The following SLC20A2 variants were observed in gnomAD, a reference collection of about 807,000 sequenced individuals.
SLC20A2 encodes solute carrier family 20 member 2, also known as sodium-dependent phosphate transporter 2.
SLC20A2 carries 30 observed loss-of-function variants against 61.0 expected under a neutral mutation model. The ratio of observed to expected loss-of-function variants is 0.49; its 90% CI spans 0.37 to 0.67. The LOEUF (loss-of-function observed/expected upper bound fraction) is 0.67, where lower values mean the gene tolerates loss of function less well. Ranked by LOEUF, SLC20A2 falls within the 30% of genes least tolerant of loss-of-function variation. The pLI, the probability that SLC20A2 is intolerant of heterozygous loss-of-function variation, is 0.00. For synonymous variants in SLC20A2, 351 were observed against 353.3 expected (o/e 0.99, Z 0.07); for missense variants, 626 against 866.4 (o/e 0.72, Z 3.48).
intron 1 of SLC20A2, among the ~76,000 whole-genome samples, chr8:42,525,537 G>A (rs561758497): frequency 5.3e-5 from 7 of 132,306 alleles, no homozygotes; most frequent in Admixed American, 4.5e-4. Flanking sequence ...AGCTGAGATC[G>A]CACCACTGCA....
At chr8:42,493,885 C>T (rs985842183) in intron 1 of SLC20A2, among the ~76,000 whole-genome samples, 1 of 152,186 alleles carries the variant, frequency 6.6e-6, no homozygotes, top group Non-Finnish European at 1.5e-5. Flanking sequence ...TGGCTTATCT[C>T]TGTAATCCCA....
chr8:42,445,847 G>A (rs1805173411), intron 5 of SLC20A2, among the ~76,000 whole-genome samples: 1 of 152,200 alleles, frequency 6.6e-6, no homozygotes, highest in South Asian at 2.1e-4. Flanking sequence ...GCCTGGCTCC[G>A]CAACTGAGGC....
intron 1 of SLC20A2, among the ~76,000 whole-genome samples, chr8:42,530,942 A>G (rs1812280498): frequency 6.6e-6 from 1 of 151,988 alleles, no homozygotes; most frequent in African/African-American, 2.4e-5. Context: ...CTGGTCTCGA[A>G]CTCCTGACCT....
At chr8:42,479,479 A>G (rs1442191691) in intron 1 of SLC20A2, among the ~76,000 whole-genome samples, 1 of 152,026 alleles carries the variant, frequency 6.6e-6, no homozygotes, top group Non-Finnish European at 1.5e-5. Context: ...AAGTACAGTT[A>G]GAAATGGTTT....
chr8:42,451,186 G>C (rs757336070), intron 5 of SLC20A2, among the ~76,000 whole-genome samples: 5 of 150,724 alleles, frequency 3.3e-5, no homozygotes, highest in Admixed American at 6.6e-5. Flanking sequence ...GGAGGAGGAA[G>C]ATGAGAAGGA....
chr8:42,462,686 T>G (rs931999429), intron 4 of SLC20A2, among the ~76,000 whole-genome samples: 1 of 152,162 alleles, frequency 6.6e-6, no homozygotes, highest in Non-Finnish European at 1.5e-5. Context: ...CACTATCTCA[T>G]TCTATTCTGC....
intron 5 of SLC20A2, among the ~76,000 whole-genome samples, chr8:42,447,125 T>G (rs947279651): frequency 6.6e-6 from 1 of 150,868 alleles, no homozygotes; most frequent in African/African-American, 2.4e-5. Context: ...GAGGATCACT[T>G]GAAGCCAGGA....
chr8:42,439,472 G>A lies in SLC20A2; in HGVS notation c.912C>T (p.Gly304=), dbSNP rs1481755490. 1.2e-6 allele frequency: 2 copies of A among 1,613,690 alleles called. No individual in the cohort carries two copies. The highest frequency in any genetic ancestry group is 1.7e-5 in the Admixed American group (1 of 60,024). ...TLGTSEGTSA[G]SHPRAAYGRA... ...TACCGTATGCAGCCCGAGGGTGGCT[G>A]CCCGCAGAAGTGCCTTCCGAGGTCC... The change falls in exon 7 of 11, where the codon GGC becomes GGT. Residue 304 remains glycine, a synonymous_variant. Transcript: ENST00000520262.
In SLC20A2 at chr8:42,472,316, A is replaced by G. The variant is rs1384294424; in HGVS notation, c.75T>C (p.Gly25=). ...IIAFILAFSV[G]ANDVANSFGT... is the part of the protein sequence containing the mutation. ...CAAAGGAGTTGGCAACATCGTTTGC[A>G]CCAACAGAAAAGGCCAAGATGAAAG... Residue 25 remains glycine, a synonymous_variant, in exon 2 of 11, where the codon GGT becomes GGC. Coordinates refer to ENST00000520262, the MANE Select transcript of SLC20A2 (RefSeq NM_001257180.2). This position sits in a 1 kb window ranked among gnomAD's most constrained non-coding sequence, Gnocchi z 4.1. 6.2e-7 allele frequency: 1 copy of G among 1,614,126 alleles called. No individual in the cohort carries two copies. The highest frequency in any genetic ancestry group is 2.2e-5 in the East Asian group (1 of 44,902).
At chr8:42,531,237 C>T (rs1812299911) in intron 1 of SLC20A2, among the ~76,000 whole-genome samples, 1 of 152,156 alleles carries the variant, frequency 6.6e-6, no homozygotes, top group South Asian at 2.1e-4. Context: ...CTAATTGTGG[C>T]TTTGCGGCCA....
At chr8:42,533,654 C>CTTTGTT (rs1812496281) in intron 1 of SLC20A2, among the ~76,000 whole-genome samples, 1 of 55,310 alleles carries the variant, frequency 1.8e-5, no homozygotes, top group African/African-American at 8.1e-5. Flanking sequence ...ATCAACTGTT[C>CTTTGTT]TTTTTTTTTT....
chr8:42,461,517 T>G (rs1234340725), intron 4 of SLC20A2, among the ~76,000 whole-genome samples: 1 of 151,138 alleles, frequency 6.6e-6, no homozygotes, highest in Admixed American at 6.6e-5. Context: ...AGTGGTGCAA[T>G]CTTGGCTCAC....
At chr8:42,485,367 C>T (rs920314303) in intron 1 of SLC20A2, among the ~76,000 whole-genome samples, 9 of 152,020 alleles carry the variant, frequency 5.9e-5, no homozygotes, top group African/African-American at 1.7e-4. Flanking sequence ...CTAGGCCGAA[C>T]GCGGTGGCTC....
intron 1 of SLC20A2, among the ~76,000 whole-genome samples, chr8:42,533,025 T>C (rs1812439817): frequency 1.3e-5 from 2 of 152,054 alleles, no homozygotes; most frequent in African/African-American, 4.8e-5. Context: ...TGGGACCAAG[T>C]GATAAACAGG....
At chr8:42,467,734 C>T (rs1357830417) in intron 2 of SLC20A2, among the ~76,000 whole-genome samples, 2 of 152,166 alleles carry the variant, frequency 1.3e-5, no homozygotes, top group African/African-American at 2.4e-5. Context: ...AGGGGCCAGC[C>T]TTGTGCTGCC....
intron 5 of SLC20A2, among the ~76,000 whole-genome samples, chr8:42,453,788 G>A (rs1178500489): frequency 6.6e-6 from 1 of 152,174 alleles, no homozygotes; most frequent in Admixed American, 6.5e-5. Context: ...GAAACTTCAA[G>A]TAAGAATTTT....
intron 1 of SLC20A2, among the ~76,000 whole-genome samples, chr8:42,515,451 T>C (rs1228212872): frequency 6.6e-6 from 1 of 151,988 alleles, no homozygotes; most frequent in Non-Finnish European, 1.5e-5. Context: ...TGAGAGAAGG[T>C]GGTATGGTAA....
intron 1 of SLC20A2, among the ~76,000 whole-genome samples, chr8:42,528,363 G>A (rs544577540): frequency 2.0e-5 from 3 of 152,042 alleles, no homozygotes; most frequent in East Asian, 3.9e-4. Flanking sequence ...GCAGGAGGCT[G>A]AGGCAGGACA....
At chr8:42,529,524 T>C (rs1263834595) in intron 1 of SLC20A2, among the ~76,000 whole-genome samples, 6 of 89,100 alleles carry the variant, frequency 6.7e-5, no homozygotes, top group South Asian at 8.2e-4. Context: ...TTACTATTAA[T>C]AGCATAGTAA....
Sources: gnomAD v4.1 joint callset for allele counts (sites outside exome capture counted in the v4.1 genomes callset) on GRCh38, gnomAD v4.1.1 for gene constraint, Gnocchi (gnomAD v3.1) non-coding constraint, MANE v1.5 for transcripts, NCBI Gene and HGNC (gene_info 2026-07-23, HGNC 2026-07-21) for gene names.